Variants in CACNB4 observed in about 807,000 individuals in gnomAD.
CACNB4 encodes calcium voltage-gated channel auxiliary subunit beta 4.
In CACNB4, 32 loss-of-function variants were observed where a neutral mutation model predicts 71.2. The ratio of observed to expected loss-of-function variants is 0.45; its 90% CI spans 0.34 to 0.60. The LOEUF is 0.60. Among genes scored for constraint, CACNB4 ranks in the 20% least tolerant of loss-of-function variants. CACNB4 has a pLI of 0.01. For synonymous variants in CACNB4, 231 were observed against 236.9 expected (o/e 0.97, Z 0.23); for missense variants, 464 against 647.9 (o/e 0.72, Z 3.08).
intron 4 of CACNB4, among the ~76,000 whole-genome samples, chr2:151,878,301 T>G (rs2099846963): frequency 6.6e-6 from 1 of 152,094 alleles, no homozygotes; most frequent in Admixed American, 6.6e-5. Context: ...TTTAAATTAT[T>G]CTGAGTAACA....
At chr2:151,900,329 G>C (rs182769797) in intron 2 of CACNB4, among the ~76,000 whole-genome samples, 1 of 152,208 alleles carries the variant, frequency 6.6e-6, no homozygotes, top group African/African-American at 2.4e-5. Flanking sequence ...GTTGCAAAAA[G>C]GCAGAGGTCA....
chr2:151,916,190 A>G (rs2099857472), intron 2 of CACNB4, among the ~76,000 whole-genome samples: 1 of 152,188 alleles, frequency 6.6e-6, no homozygotes, highest in African/African-American at 2.4e-5. Flanking sequence ...CTAGTCAGCC[A>G]TCTTGGCCCC....
At position 152,098,591 on chromosome 2, in the gene CACNB4, G is replaced by T; in HGVS notation, c.64-178C>A. On this transcript the variant is annotated intron_variant, in intron 1 of 13. Transcript: ENST00000539935. This position sits in a 1 kb window ranked among gnomAD's most constrained non-coding sequence, Gnocchi z 5.3. ...CCCCACCCCCACCCACCCACTGCAA[G>T]CCTCGACTGCTGAAAAGATGCTCGA... 3.8e-6 allele frequency: 2 copies of T among 524,560 alleles called. No homozygotes were observed. Among genetic ancestry groups the T allele is most frequent in the Non-Finnish European group, 7.3e-6 (2 of 272,516 alleles). 32.5% of individuals were successfully genotyped at this position (524,560 alleles called of 1,614,324 possible).
chr2:151,967,478 A>C (rs1038787557), intron 2 of CACNB4: 8 of 152,224 alleles, frequency 5.3e-5, no homozygotes, highest in African/African-American at 1.9e-4. Context: ...AAATTTTTTA[A>C]GTCTTATGGA....
At chr2:151,923,394 C>T (rs2099859444) in intron 2 of CACNB4, among the ~76,000 whole-genome samples, 1 of 152,210 alleles carries the variant, frequency 6.6e-6, no homozygotes, top group Admixed American at 6.5e-5. Context: ...GATCTCTCAC[C>T]TGCTAGCTTG....
chr2:152,044,060 C>A (rs930923719), intron 2 of CACNB4, among the ~76,000 whole-genome samples: 14 of 152,020 alleles, frequency 9.2e-5, no homozygotes, highest in African/African-American at 2.9e-4. Flanking sequence ...TTTTCAAAAT[C>A]TTTCAAAAAC....
chr2:151,913,130 CTG>C (rs1432811835), intron 2 of CACNB4, among the ~76,000 whole-genome samples: 1 of 152,182 alleles, frequency 6.6e-6, no homozygotes, highest in Non-Finnish European at 1.5e-5. Flanking sequence ...ATTTGCCACA[CTG>C]TGTCTTTTAA....
intron 2 of CACNB4, among the ~76,000 whole-genome samples, chr2:151,908,736 C>G (rs1042290825): frequency 6.6e-6 from 1 of 152,104 alleles, no homozygotes; most frequent in African/African-American, 2.4e-5. Flanking sequence ...AGAAAACATG[C>G]CTTGCTGCAG....
chr2:152,015,405 A>T (rs917874339), intron 2 of CACNB4, among the ~76,000 whole-genome samples: 9 of 152,236 alleles, frequency 5.9e-5, no homozygotes, highest in African/African-American at 2.2e-4. Flanking sequence ...TGCTGGGATT[A>T]CAGGCGTGAG....
chr2:151,897,332 G>C (rs184004268), intron 2 of CACNB4, among the ~76,000 whole-genome samples: 99 of 152,298 alleles, frequency 6.5e-4, no homozygotes, highest in African/African-American at 2.3e-3. Flanking sequence ...CAAGTGCTTG[G>C]TGATGGAATC....
chr2:151,971,539 A>G (rs1227215182), intron 2 of CACNB4: 2 of 702,726 alleles, frequency 2.8e-6, no homozygotes, highest in Non-Finnish European at 5.2e-6. Context: ...AACCCCCCAC[A>G]CTTACAGCCA....
intron 2 of CACNB4, chr2:151,970,480 T>C (rs916555688): frequency 6.6e-6 from 1 of 152,072 alleles, no homozygotes; most frequent in South Asian, 2.1e-4. Context: ...AACATCAAAA[T>C]ACACAATGAA....
intron 2 of CACNB4, among the ~76,000 whole-genome samples, chr2:152,096,834 AG>A (rs1295256638): frequency 2.0e-5 from 3 of 152,256 alleles, no homozygotes; most frequent in African/African-American, 7.2e-5. Flanking sequence ...GCATTAGTGC[AG>A]TTATGTAGAT....
At chr2:152,068,914 C>T (rs2105362494) in intron 2 of CACNB4, among the ~76,000 whole-genome samples, 1 of 152,320 alleles carries the variant, frequency 6.6e-6, no homozygotes, top group Middle Eastern at 3.4e-3. Context: ...CTAGGCCCTA[C>T]CCCTCTAGCC....
chr2:151,857,457 A>C (rs1379090495), intron 10 of CACNB4: 1 of 152,228 alleles, frequency 6.6e-6, no homozygotes, highest in Non-Finnish European at 1.5e-5. Flanking sequence ...ATTTGTTAGT[A>C]ATGTAGCATA....
intron 2 of CACNB4, among the ~76,000 whole-genome samples, chr2:151,914,395 C>A (rs529062693): frequency 6.6e-6 from 1 of 152,248 alleles, no homozygotes; most frequent in South Asian, 2.1e-4. Flanking sequence ...TTCTTAGCTT[C>A]TTTGCATTGG....
At chr2:151,991,529 G>A (rs763252462) in intron 2 of CACNB4, among the ~76,000 whole-genome samples, 1 of 152,162 alleles carries the variant, frequency 6.6e-6, no homozygotes, top group Non-Finnish European at 1.5e-5. Context: ...GTAGCCATTA[G>A]GTGACGAATT....
At chr2:151,941,276 T>TTTTTTC (rs2099864155) in intron 2 of CACNB4, among the ~76,000 whole-genome samples, 2 of 50,168 alleles carry the variant, frequency 4.0e-5, no homozygotes, top group African/African-American at 8.4e-5. Flanking sequence ...AAATGGTTAA[T>TTTTTTC]TTTTTTTTTT....
At chr2:151,902,231 A>G (rs1312801732) in intron 2 of CACNB4, among the ~76,000 whole-genome samples, 1 of 152,098 alleles carries the variant, frequency 6.6e-6, no homozygotes, top group Non-Finnish European at 1.5e-5. Context: ...GGGTCTCCCT[A>G]TGTGGCTGAG....
Sources: allele counts gnomAD v4.1 joint callset (sites outside exome capture counted in the v4.1 genomes callset), GRCh38; gene constraint gnomAD v4.1.1; non-coding constraint Gnocchi (gnomAD v3.1); transcripts MANE v1.5; gene names NCBI Gene and HGNC (gene_info 2026-07-23, HGNC 2026-07-21).